ARR3: variants seen among roughly 807,000 people sequenced by gnomAD.
ARR3 encodes arrestin 3, also known as arrestin-C.
Under a neutral mutation model 35.4 loss-of-function variants are expected in ARR3, and 14 were observed. The ratio of observed to expected loss-of-function variants is 0.40; its 90% CI spans 0.26 to 0.62. The LOEUF is 0.62. Among genes scored for constraint, ARR3 ranks in the 20% least tolerant of loss-of-function variants. ARR3 has a pLI of 0.46. For missense variants in ARR3, 259 were observed against 303.8 expected (o/e 0.85, Z 1.10); for synonymous variants, 97 against 119.1 (o/e 0.81, Z 1.21).
Position 70,269,684 on chromosome X carries a change from A to G in ARR3, c.31A>G (p.Asn11Asp), listed in dbSNP as rs2085622143. Reference sequence around the variant, plus strand: ...TAGGGTGTTTAAGAAGACCAGCTCCAATGGGAAGGTGAGAGAACCTGGCCC... The same window carrying G: ...TAGGGTGTTTAAGAAGACCAGCTCCGATGGGAAGGTGAGAGAACCTGGCCC... MSKVFKKTSS[N>D]GKLSIYLGKR... Residue 11 changes from asparagine to aspartate, a missense_variant, in exon 3 of 17, where the codon AAT becomes GAT. Physicochemically the swap from Asn to Asp is conservative, Grantham distance 23. Coordinates refer to ENST00000307959, the MANE Select transcript of ARR3 (RefSeq NM_004312.3). 4.2e-6 allele frequency: 5 copies of G among 1,203,976 alleles called. No individual in the cohort carries two copies. Among genetic ancestry groups the G allele is most frequent in the Admixed American group, 4.4e-5 (2 of 45,288 alleles).
intron 10 of ARR3, 24 bp from the exon 11 acceptor site, chrX:70,278,042 A>G: frequency 2.5e-6 from 3 of 1,202,501 alleles, no homozygotes; most frequent in East Asian, 3.0e-5. Flanking sequence ...GATTATAATC[A>G]TGTGCTTTTC....
intron 5 of ARR3, among the ~76,000 whole-genome samples, chrX:70,273,677 A>T (rs753724252): frequency 1.8e-5 from 2 of 111,481 alleles, no homozygotes; most frequent in East Asian, 5.6e-4. Context: ...TCTAAAGTGG[A>T]GATAATAATA....
intron 6 of ARR3, 64 bp from the exon 7 acceptor site, chrX:70,276,369 C>A: frequency 8.4e-7 from 1 of 1,190,694 alleles, no homozygotes; most frequent in Non-Finnish European, 1.1e-6. Flanking sequence ...GAGGGTTCCC[C>A]ATTTCTTTTG....
chrX:70,271,183 A>AT lies in ARR3; in HGVS notation c.145+1045dup, dbSNP rs201374921. Among the ~76,000 whole-genome samples the AT allele has an allele frequency of 4.9e-3, 545 of 112,116 alleles. 7 individuals are homozygous for AT. Among genetic ancestry groups the AT allele is most frequent in the African/African-American group, 0.017 (527 of 30,916 alleles). ...ATTCTATATTTCTAAAACCTAAATC[A>AT]TTTTTTCACATTTCTACAAAATCTT... On this transcript the variant is annotated intron_variant, in intron 5 of 16. Transcript: ENST00000307959.
chrX:70,280,812 T>C lies in ARR3; in HGVS notation c.1060T>C (p.Ser354Pro). Residue 354 changes from serine (S) to proline (P), a missense_variant, in exon 15 of 17, where the codon TCT becomes CCT. Ser to Pro is a moderately conservative substitution (Grantham distance 74). Transcript: ENST00000307959. Reference protein sequence around the residue: ...LPLVLIHPKPSHEAASSEDIV... With the variant: ...LPLVLIHPKPPHEAASSEDIV... ...CTTGGTCCTGATCCATCCGAAGCCA[T>C]CTCATGGTGAGTGACCAGGTGGAAC... 3 of 1,211,034 alleles carry C rather than the reference T, an allele frequency of 2.5e-6. No homozygotes were observed. Among genetic ancestry groups the C allele is most frequent in the African/African-American group, 1.7e-5 (1 of 57,567 alleles).
chrX:70,281,050 T>TA, intron 15 of ARR3, 49 bp from the exon 16 acceptor site: 2 of 1,193,671 alleles, frequency 1.7e-6, no homozygotes, highest in Non-Finnish European at 2.3e-6. Context: ...GAAGAGCCTC[T>TA]AATCAGCTTC....
intron 5 of ARR3, among the ~76,000 whole-genome samples, chrX:70,270,787 GA>G (rs760806653): frequency 6.3e-4 from 65 of 103,794 alleles, no homozygotes; most frequent in African/African-American, 2.1e-3. Context: ...TTTTATTCAA[GA>G]AAAAAAAATC....
chrX:70,276,788 C>T (rs910114013), intron 8 of ARR3, 52 bp downstream of exon 8: 6 of 1,083,085 alleles, frequency 5.5e-6, no homozygotes, highest in Non-Finnish European at 7.6e-6. Context: ...TGCCAGGAAA[C>T]AGATCCTGCT....
At chrX:70,277,621 C>T in intron 9 of ARR3, 92 bp downstream of exon 9, 1 of 1,173,191 alleles carries the variant, frequency 8.5e-7, no homozygotes. Context: ...GAGATGGGAG[C>T]CAGGGTGGCA....
At position 70,276,752 on chromosome X, in the gene ARR3, C is replaced by T. The variant is rs779037150; in HGVS notation, c.473+16C>T. ...TCTCCAAGAGGTATTCTTTGGTTGT[C>T]CCCAAAAATCCCTGCCTCCAGCCTC... On this transcript the variant is annotated intron_variant, in intron 8 of 16. Transcript: ENST00000307959. 1.7e-6 allele frequency: 2 copies of T among 1,190,819 alleles called. No homozygotes were observed. Among genetic ancestry groups the T allele is most frequent in the Admixed American group, 4.4e-5 (2 of 45,777 alleles).
intron 12 of ARR3, 126 bp from the exon 13 acceptor site, chrX:70,280,069 G>A: frequency 1.7e-6 from 1 of 601,760 alleles, no homozygotes; most frequent in Non-Finnish European, 2.7e-6. Flanking sequence ...TAGAGCCTGG[G>A]AGATATTCTG....
chrX:70,273,634 T>C (rs1308982517), intron 5 of ARR3, among the ~76,000 whole-genome samples: 1 of 111,786 alleles, frequency 8.9e-6, no homozygotes, highest in African/African-American at 3.3e-5. Context: ...TCCTGAACCA[T>C]TGCTTAATAG....
chrX:70,276,157 A>G lies in ARR3; in HGVS notation c.221A>G (p.Asp74Gly). The part of the protein sequence containing the change: ...LEVIGLTFRK[D>G]LYVQTLQVVP... The stretch of plus-strand genomic sequence containing the variant: ...GTGATTGGTCTGACGTTCCGAAAAG[A>G]TCTGTATGTGCAGACCCTGCAAGTG... The change falls in exon 6 of 17, where the codon GAT becomes GGT. Residue 74 changes from aspartate (D) to glycine (G), a missense_variant. Physicochemically the swap from Asp to Gly is moderately conservative, Grantham distance 94. Coordinates refer to ENST00000307959, the MANE Select transcript of ARR3 (RefSeq NM_004312.3). The G allele has an allele frequency of 5.8e-6, 7 of 1,211,459 alleles. No individual in the cohort carries two copies. The highest frequency in any genetic ancestry group is 5.6e-6 in the Non-Finnish European group (5 of 895,460).
At chrX:70,280,988 A>G in intron 15 of ARR3, 111 bp from the exon 16 acceptor site, 1 of 712,844 alleles carries the variant, frequency 1.4e-6, no homozygotes, top group Non-Finnish European at 1.9e-6. Context: ...TGCTGGAGCA[A>G]AGGATTGGGA....
intron 15 of ARR3, 94 bp from the exon 16 acceptor site, chrX:70,281,005 G>GGT (rs1555941795): frequency 4.2e-6 from 4 of 962,935 alleles, no homozygotes; most frequent in African/African-American, 2.0e-5. Flanking sequence ...GGGAAGTTGG[G>GGT]GGGGGGGGAA....
At chrX:70,278,416 T>C in intron 11 of ARR3, 88 bp from the exon 12 acceptor site, 2 of 1,063,868 alleles carry the variant, frequency 1.9e-6, no homozygotes, top group Non-Finnish European at 2.5e-6. Context: ...TAGGTTCTTG[T>C]ATAATCTTGT....
In ARR3 at chrX:70,271,990, C is replaced by T. The variant is rs1352645428; in HGVS notation, c.145+1846C>T. Among the ~76,000 whole-genome samples the T allele has an allele frequency of 2.7e-5, 3 of 110,436 alleles. No homozygotes were observed. In the East Asian group the frequency reaches 8.5e-4, roughly 31 times the overall value. On this transcript the variant is annotated intron_variant, in intron 5 of 16. Coordinates refer to ENST00000307959, the MANE Select transcript of ARR3 (RefSeq NM_004312.3). The stretch of plus-strand genomic sequence containing the variant: ...TGCGTGATGCAGTTGATGTCTTAGT[C>T]TGCTGCCTTCCCAACACAGGAACAG...
At chrX:70,269,313 T>C (rs1473787671) in intron 1 of ARR3, 43 bp from the exon 2 acceptor site, 4 of 1,178,282 alleles carry the variant, frequency 3.4e-6, no homozygotes, top group Non-Finnish European at 4.5e-6. Flanking sequence ...GTGAGAAGAA[T>C]AGAAATGAAA....
intron 12 of ARR3, among the ~76,000 whole-genome samples, chrX:70,279,256 C>T (rs773578160): frequency 8.9e-6 from 1 of 112,620 alleles, no homozygotes; most frequent in African/African-American, 3.2e-5. Flanking sequence ...CCTGTGCCTT[C>T]GGAGGCCCTA....
Sources: allele counts gnomAD v4.1 joint callset (sites outside exome capture counted in the v4.1 genomes callset), GRCh38; gene constraint gnomAD v4.1.1; transcripts MANE v1.5; gene names NCBI Gene and HGNC (gene_info 2026-07-23, HGNC 2026-07-21).